Variants in LDB1 observed in about 807,000 individuals in gnomAD.
LDB1 encodes the protein LIM domain-binding protein 1.
LDB1 carries 6 observed loss-of-function variants against 49.7 expected under a neutral mutation model. The ratio of observed to expected loss-of-function variants is 0.12; its 90% CI spans 0.07 to 0.24. The LOEUF is 0.24. Among genes scored for constraint, LDB1 ranks in the 10% least tolerant of loss-of-function variants. The pLI, the probability that LDB1 is intolerant of heterozygous loss-of-function variation, is 1.00. For missense variants in LDB1, 341 were observed against 561.7 expected (o/e 0.61, Z 3.97); for synonymous variants, 233 against 202.0 (o/e 1.15, Z -1.30).
intron 10 of LDB1, among the ~76,000 whole-genome samples, chr10:102,108,816 G>T (rs1474311864): frequency 6.6e-6 from 1 of 152,144 alleles, no homozygotes; most frequent in Non-Finnish European, 1.5e-5. Flanking sequence ...GTCCCTTTAT[G>T]CCCTAGCTTC....
chr10:102,112,847 C>G (rs2068275542), intron 1 of LDB1, among the ~76,000 whole-genome samples: 1 of 152,190 alleles, frequency 6.6e-6, no homozygotes, highest in Admixed American at 6.5e-5. Context: ...CTCTCTCTCA[C>G]CTCACCTAAC....
intron 1 of LDB1, chr10:102,114,812 G>GGGGCCCCC: frequency 4.9e-5 from 46 of 929,786 alleles, no homozygotes; most frequent in East Asian, 1.2e-4. Flanking sequence ...CCTCCGAGCA[G>GGGGCCCCC]CCCGCCCGCC....
At position 102,108,173 on chromosome 10, in the gene LDB1, C is replaced by T. The variant is rs141161148; in HGVS notation, c.1156G>A (p.Ala386Thr). Reference protein sequence around the residue: ...DSFNNSPALGANSPWNSKPPS... With the variant: ...DSFNNSPALGTNSPWNSKPPS... ...GGCTTGCTGTTCCAGGGGCTGTTGG[C>T]GCCCAGTGCAGGGGAGTTGTTAAAG... The change falls in exon 11 of 11, where the codon GCC becomes ACC. Residue 386 changes from alanine (A) to threonine (T), a missense_variant. Ala to Thr is a moderately conservative substitution (Grantham distance 58). This residue lies in a region of LDB1 where 46 missense variants were observed against 62.9 expected (regional missense o/e 0.73). Transcript: ENST00000673968. 2.3e-4 allele frequency: 364 copies of T among 1,613,918 alleles called. 1 individual carries two copies. The highest frequency in any genetic ancestry group is 3.8e-4 in the Admixed American group (23 of 59,980).
Position 102,114,800 on chromosome 10 carries a change from T to C in LDB1, c.26-3264A>G, listed in dbSNP as rs909525690. 34 of 978,908 alleles carry C rather than the reference T, an allele frequency of 3.5e-5. No individual in the cohort carries two copies. In the African/African-American group the frequency reaches 6.0e-4, roughly 17 times the overall value. The allele number at this position is 978,908 out of a possible 1,614,324, so 60.6% of individuals were successfully genotyped here. On this transcript the variant is annotated intron_variant, in intron 1 of 10. Coordinates refer to ENST00000673968, the MANE Select transcript of LDB1 (RefSeq NM_001113407.3). Reference sequence around the variant, plus strand: ...CCCCGCCGCCGCCTCTTGCTGCCTCTGCCTCCGAGCAGCCCGCCCGCCCTC... The same window carrying C: ...CCCCGCCGCCGCCTCTTGCTGCCTCCGCCTCCGAGCAGCCCGCCCGCCCTC...
At position 102,106,542 on chromosome 10, in the gene LDB1, A is replaced by C. The variant is rs1037026247; in HGVS notation, c.*1551T>G. Among the ~76,000 whole-genome samples, 6 of 18,056 alleles carry C rather than the reference A, an allele frequency of 3.3e-4. No individual in the cohort carries two copies. The highest frequency in any genetic ancestry group is 3.3e-3 in the South Asian group (2 of 604). The allele number at this position is 18,056 out of a possible 152,430, so 11.8% of individuals were successfully genotyped here. On this transcript the variant is annotated 3_prime_UTR_variant, in exon 11 of 11. Transcript: ENST00000673968. ...GTACCATACATGACTCAAATGGCCC[A>C]AAAAAAAAAAAAAAAAAAAAAAAAA...
At chr10:102,105,336 G>A (rs566318376), downstream of LDB1, among the ~76,000 whole-genome samples, 13 of 152,258 alleles carry the variant, frequency 8.5e-5, no homozygotes, top group African/African-American at 2.4e-4. Context: ...AGCAGGGCAC[G>A]GCCAAGATAA....
At chr10:102,113,395 G>A (rs1416997133) in intron 1 of LDB1, among the ~76,000 whole-genome samples, 3 of 152,144 alleles carry the variant, frequency 2.0e-5, no homozygotes, top group Non-Finnish European at 4.4e-5. Flanking sequence ...CCCCATGCAC[G>A]AGCTCTCACG....
At position 102,109,652 on chromosome 10, in the gene LDB1, G is replaced by A. The variant is rs2068220955; in HGVS notation, c.680C>T (p.Ser227Phe). 6.2e-7 allele frequency: 1 copy of A among 1,614,076 alleles called. No individual in the cohort carries two copies. The highest frequency in any genetic ancestry group is 8.5e-7 in the Non-Finnish European group (1 of 1,179,986). ...AQDPQMLDQL[S>F]KNITRCGLSN... The stretch of plus-strand genomic sequence containing the variant: ...CAGCCCACACCGAGTGATGTTTTTG[G>A]AGAGCTGATCCAACATCTGGGGGTC... The change falls in exon 8 of 11, where the codon TCC becomes TTC. Residue 227 changes from serine (S) to phenylalanine (F), a missense_variant. Ser to Phe is a radical substitution (Grantham distance 155). Around this residue, in one of 5 missense-constraint regions of LDB1, gnomAD observed 233 missense variants for 385.7 expected, o/e 0.60. Coordinates refer to ENST00000673968, the MANE Select transcript of LDB1 (RefSeq NM_001113407.3). The surrounding 1 kb of genome is among the most constrained non-coding windows in gnomAD (Gnocchi z 5.8).
At chr10:102,102,948 C>T (rs2068130623), downstream of LDB1, among the ~76,000 whole-genome samples, 1 of 152,130 alleles carries the variant, frequency 6.6e-6, no homozygotes, top group South Asian at 2.1e-4. Flanking sequence ...ACTATAGGCA[C>T]AGAACTATAT....
In LDB1 at chr10:102,117,554, G is replaced by A. The variant is rs1162141635; in HGVS notation, c.25+2532C>T. On this transcript the variant is annotated intron_variant, in intron 1 of 10. Coordinates refer to ENST00000673968, the MANE Select transcript of LDB1 (RefSeq NM_001113407.3). This position sits in a 1 kb window ranked among gnomAD's most constrained non-coding sequence, Gnocchi z 4.2. ...ACTGCCCCCTGCCCGGGCCCCTGGG[G>A]CTCCCTGACCCAGGCCTCCAGTGTG... 1.3e-5 allele frequency among the ~76,000 whole-genome samples: 2 copies of A among 152,188 alleles called. No individual in the cohort carries two copies. Among genetic ancestry groups the A allele is most frequent in the East Asian group, 3.9e-4 (2 of 5,160 alleles).
intron 1 of LDB1, among the ~76,000 whole-genome samples, chr10:102,113,759 T>TAAA (rs11422831): frequency 1.1e-4 from 14 of 123,618 alleles, no homozygotes; most frequent in African/African-American, 2.3e-4. Flanking sequence ...TCCAATTTTG[T>TAAA]AAAAAAAAAA....
chr10:102,112,008 T>G (rs2068262924), intron 1 of LDB1, among the ~76,000 whole-genome samples: 1 of 152,124 alleles, frequency 6.6e-6, no homozygotes, highest in Non-Finnish European at 1.5e-5. Context: ...TGTCTCTCCT[T>G]CTAATTCTGG....
At chr10:102,115,894 G>A (rs1590288949) in intron 1 of LDB1, among the ~76,000 whole-genome samples, 3 of 151,780 alleles carry the variant, frequency 2.0e-5, no homozygotes, top group East Asian at 3.9e-4. Flanking sequence ...TGGACAAATA[G>A]GAAAAGGAAA....
In LDB1 at chr10:102,107,208, G is replaced by A. The variant is rs556741733; in HGVS notation, c.*885C>T. Among the ~76,000 whole-genome samples, 16 of 152,218 alleles carry A rather than the reference G, an allele frequency of 1.1e-4. No individual in the cohort carries two copies. The highest frequency in any genetic ancestry group is 9.8e-4 in the Admixed American group (15 of 15,288). ...GCTGCTCTTGTGGAGGACTTGTAAG[G>A]AATATACATACCATGGGGGTGGGGC... On this transcript the variant is annotated 3_prime_UTR_variant, in exon 11 of 11. Transcript: ENST00000673968.
chr10:102,114,812 G>GGGGGGGCCCCCCCCCCCCCCCC, intron 1 of LDB1: 14 of 929,806 alleles, frequency 1.5e-5, no homozygotes, highest in Non-Finnish European at 1.8e-5. Flanking sequence ...CCTCCGAGCA[G>GGGGGGGCCCCCCCCCCCCCCCC]CCCGCCCGCC....
Position 102,107,391 on chromosome 10 carries a change from G to T in LDB1, c.*702C>A, listed in dbSNP as rs1428784767. On this transcript the variant is annotated 3_prime_UTR_variant, in exon 11 of 11. Coordinates refer to ENST00000673968, the MANE Select transcript of LDB1 (RefSeq NM_001113407.3). ...AACTGCAGTCACCCCAGAGGAAAGG[G>T]GGAGAGATGGTGAAATGTCTCCTTG... 6.6e-6 allele frequency among the ~76,000 whole-genome samples: 1 copy of T among 151,996 alleles called. No homozygotes were observed.
Position 102,109,498 on chromosome 10 carries a change from T to C in LDB1, c.742A>G (p.Ile248Val). Reference sequence around the variant, plus strand: ...ATGAGCTCTTGCATGGGCTCGAGTATCACACAGAGCTAGGGGTAGACAAGG... The same window carrying C: ...ATGAGCTCTTGCATGGGCTCGAGTACCACACAGAGCTAGGGGTAGACAAGG... ...STLNYLRLCV[I>V]LEPMQELMSR... Residue 248 changes from isoleucine (I) to valine (V), a missense_variant, in exon 9 of 11, where the codon ATA (isoleucine) becomes GTA (valine). Transcript: ENST00000673968. This position sits in a 1 kb window ranked among gnomAD's most constrained non-coding sequence, Gnocchi z 5.8. 1 of 1,614,042 alleles carries C rather than the reference T, an allele frequency of 6.2e-7. No homozygotes were observed.
chr10:102,108,992 G>A, intron 10 of LDB1, 37 bp downstream of exon 10: 1 of 1,614,066 alleles, frequency 6.2e-7, no homozygotes, highest in East Asian at 2.2e-5. Flanking sequence ...TGAGTGGTGG[G>A]GCAGCCCAGA....
intron 1 of LDB1, among the ~76,000 whole-genome samples, chr10:102,112,734 T>A (rs2068273922): frequency 6.6e-6 from 1 of 152,020 alleles, no homozygotes; most frequent in South Asian, 2.1e-4. Context: ...TACCTACAAT[T>A]GAGAAGTAGG....
Sources: gnomAD v4.1 joint callset for allele counts (sites outside exome capture counted in the v4.1 genomes callset) on GRCh38, gnomAD v4.1.1 for gene constraint, gnomAD v4.1.1 regional missense constraint, Gnocchi (gnomAD v3.1) non-coding constraint, MANE v1.5 for transcripts, NCBI Gene and HGNC (gene_info 2026-07-23, HGNC 2026-07-21) for gene names.